The following TUBD1 variants were observed in gnomAD, a reference collection of about 807,000 sequenced individuals.
TUBD1 encodes the protein tubulin delta 1, also known as tubulin delta chain.
A neutral mutation model predicts 51.2 loss-of-function variants in TUBD1; 38 were observed. The ratio of observed to expected loss-of-function variants is 0.74; its 90% CI spans 0.57 to 0.97. The LOEUF is 0.97. Among genes scored for constraint, TUBD1 ranks in the 50% least tolerant of loss-of-function variants. The pLI, the probability that TUBD1 is intolerant of heterozygous loss-of-function variation, is 0.00. For synonymous variants in TUBD1, 169 were observed against 178.2 expected (o/e 0.95, Z 0.41); for missense variants, 489 against 538.4 (o/e 0.91, Z 0.91).
intron 3 of TUBD1, chr17:59,885,347 A>G: frequency 1.4e-6 from 1 of 700,180 alleles, no homozygotes; most frequent in Non-Finnish European, 2.6e-6. Context: ...TATACCAGGA[A>G]TATGTCCCCC....
rs2039718497 is a variant in TUBD1 at position 59,866,724 on chromosome 17, A to C, written c.960T>G (p.Pro320=). 2 of 1,613,972 alleles carry C rather than the reference A, an allele frequency of 1.2e-6. No homozygotes were observed. Among genetic ancestry groups the C allele is most frequent in the Non-Finnish European group, 1.7e-6 (2 of 1,179,950 alleles). Residue 320 remains proline (P), a synonymous_variant, in exon 7 of 9, where the codon CCT becomes CCG. Transcript: ENST00000325752. ...EEGIDRHVWP[P]LSGLPPLSKM... The stretch of plus-strand genomic sequence containing the variant: ...TACTAAGAGGAGGAAGTCCTGATAA[A>C]GGAGGCCATACATGCCTATCAATAC...
rs2039713848 is a variant in TUBD1, at chr17:59,866,651, A to G, written c.1033T>C (p.Leu345=). 1 of 1,614,010 alleles carries G rather than the reference A, an allele frequency of 6.2e-7. No individual in the cohort carries two copies. ...DLHFNTSIAN[L]VILRGKDVQS... Reference sequence around the variant, plus strand: ...ACATCTTTCCCACGAAGAATGACCAAGTTAGCAATGGAAGTGTTAAAATGC... The same window carrying G: ...ACATCTTTCCCACGAAGAATGACCAGGTTAGCAATGGAAGTGTTAAAATGC... Residue 345 remains leucine, a synonymous_variant, in exon 7 of 9, where the codon TTG becomes CTG. Transcript: ENST00000325752.
intron 6 of TUBD1, among the ~76,000 whole-genome samples, chr17:59,868,393 T>C (rs1483686085): frequency 6.8e-6 from 1 of 147,068 alleles, no homozygotes; most frequent in African/African-American, 2.5e-5. Context: ...GTGAGAGAAA[T>C]AGGGTAAATC....
chr17:59,878,971 T>C (rs1309683005), intron 4 of TUBD1, among the ~76,000 whole-genome samples: 3 of 152,092 alleles, frequency 2.0e-5, no homozygotes, highest in Admixed American at 2.0e-4. Flanking sequence ...CAACAGGAAA[T>C]TGGCTTATAT....
At chr17:59,882,271 T>A (rs186214096) in intron 3 of TUBD1, among the ~76,000 whole-genome samples, 40 of 152,218 alleles carry the variant, frequency 2.6e-4, no homozygotes, top group Admixed American at 1.2e-3. Context: ...TCTCCTTTTT[T>A]ATTTTTTTTG....
At chr17:59,884,482 C>T (rs1366475063) in intron 3 of TUBD1, among the ~76,000 whole-genome samples, 1 of 151,496 alleles carries the variant, frequency 6.6e-6, no homozygotes, top group Non-Finnish European at 1.5e-5. Context: ...GGCATGGTGG[C>T]AGGTACCTGT....
At chr17:59,876,055 T>C (rs2040208580) in intron 5 of TUBD1, among the ~76,000 whole-genome samples, 1 of 152,232 alleles carries the variant, frequency 6.6e-6, no homozygotes, top group Non-Finnish European at 1.5e-5. Context: ...CAGGCGGGCT[T>C]GTGCTAATGG....
intron 7 of TUBD1, among the ~76,000 whole-genome samples, chr17:59,866,177 C>A (rs2039690846): frequency 6.8e-6 from 1 of 147,048 alleles, no homozygotes; most frequent in Non-Finnish European, 1.5e-5. Context: ...TATAAGGAGG[C>A]AGCCAGATGG....
intron 3 of TUBD1, 113 bp downstream of exon 3, chr17:59,885,970 A>G (rs2040702003): frequency 8.5e-7 from 1 of 1,180,814 alleles, no homozygotes; most frequent in Non-Finnish European, 1.2e-6. Context: ...AATCTAAAAC[A>G]GCAATTTCAA....
intron 1 of TUBD1, chr17:59,892,065 T>C (rs1014601439): frequency 3.9e-5 from 6 of 152,232 alleles, no homozygotes; most frequent in African/African-American, 7.2e-5. Flanking sequence ...CACATGAACA[T>C]GTAGAACACA....
At chr17:59,865,440 C>T (rs2039652644) in intron 7 of TUBD1, among the ~76,000 whole-genome samples, 1 of 152,020 alleles carries the variant, frequency 6.6e-6, no homozygotes, top group Non-Finnish European at 1.5e-5. Flanking sequence ...ATCAACCGGG[C>T]ATGGTGGCGC....
At chr17:59,892,468 C>T (rs190394411) in intron 1 of TUBD1, among the ~76,000 whole-genome samples, 146 of 152,326 alleles carry the variant, frequency 9.6e-4, no homozygotes, top group African/African-American at 3.4e-3. Context: ...GACTTCACAT[C>T]AGGTCTATGC....
chr17:59,875,377 CTAAA>C (rs1231071578), intron 5 of TUBD1, among the ~76,000 whole-genome samples: 2 of 151,480 alleles, frequency 1.3e-5, no homozygotes, highest in Non-Finnish European at 2.9e-5. Context: ...ACCCACCCTA[CTAAA>C]TACTCTTTTA....
rs373012328 is a variant in TUBD1, at chr17:59,860,353, T to C, written c.1331A>G (p.Glu444Gly). 3.1e-6 allele frequency: 5 copies of C among 1,612,992 alleles called. No homozygotes were observed. In the African/African-American group the frequency reaches 5.4e-5, roughly 17 times the overall value. Residue 444 changes from glutamate to glycine, a missense_variant, in exon 9 of 9, where the codon GAG becomes GGG. Coordinates refer to ENST00000325752, the MANE Select transcript of TUBD1 (RefSeq NM_016261.4). ...EDFLDSFTSL[E>G]QVVASYCNL is the part of the protein sequence containing the mutation. ...ATTACAGTAACTGGCAACAACCTGC[T>C]CTAATGACGTGAAACTGTCTAAAAA...
rs550296398 is a variant in TUBD1, at chr17:59,891,583, A to G, written c.-39-542T>C. On this transcript the variant is annotated intron_variant, in intron 1 of 8. Coordinates refer to ENST00000325752, the MANE Select transcript of TUBD1 (RefSeq NM_016261.4). The stretch of plus-strand genomic sequence containing the variant: ...TTACTGTACCTGAATCCATTCATAC[A>G]CAGCTCAATAGTTTCCAAAATCTGA... 5.7e-4 allele frequency among the ~76,000 whole-genome samples: 87 copies of G among 152,330 alleles called. 1 individual carries two copies. Among genetic ancestry groups the G allele is most frequent in the Non-Finnish European group, 2.4e-4 (16 of 68,030 alleles).
intron 8 of TUBD1, among the ~76,000 whole-genome samples, chr17:59,862,079 C>T (rs370885764): frequency 3.3e-5 from 5 of 151,044 alleles, no homozygotes; most frequent in East Asian, 2.0e-4. Flanking sequence ...ATCCCAGCAC[C>T]TTGGGAGGCC....
intron 7 of TUBD1, among the ~76,000 whole-genome samples, chr17:59,866,315 G>GC (rs1374402207): frequency 1.3e-5 from 2 of 150,416 alleles, no homozygotes; most frequent in Non-Finnish European, 3.0e-5. Flanking sequence ...GCTCACTGCA[G>GC]CCTTGACCTC....
At chr17:59,887,930 T>C (rs1280416041) in intron 2 of TUBD1, among the ~76,000 whole-genome samples, 1 of 147,862 alleles carries the variant, frequency 6.8e-6, no homozygotes, top group Non-Finnish European at 1.5e-5. Flanking sequence ...TGCCCAGCTG[T>C]TAGATGTCTT....
At chr17:59,885,545 A>G in intron 3 of TUBD1, 1 of 1,486,778 alleles carries the variant, frequency 6.7e-7, no homozygotes, top group African/African-American at 1.4e-5. Flanking sequence ...GTGGTTCACT[A>G]CTAGATCTGA....
Sources: gnomAD v4.1 joint callset for allele counts (sites outside exome capture counted in the v4.1 genomes callset) on GRCh38, gnomAD v4.1.1 for gene constraint, MANE v1.5 for transcripts, NCBI Gene and HGNC (gene_info 2026-07-23, HGNC 2026-07-21) for gene names.